EAF1: variants seen among roughly 807,000 people sequenced by gnomAD.
EAF1 encodes ELL associated factor 1, also known as ELL-associated factor 1.
A neutral mutation model predicts 26.6 loss-of-function variants in EAF1; 19 were observed. The observed-to-expected ratio is 0.71, with a 90% CI of 0.50 to 1.05. EAF1 has a LOEUF of 1.05. Among genes scored for constraint, EAF1 ranks in the 50% least tolerant of loss-of-function variants. The pLI is 0.00. For synonymous variants in EAF1, 102 were observed against 120.6 expected, an observed-to-expected ratio of 0.85 and a Z score of 1.01; for missense variants, 260 against 335.5, an observed-to-expected ratio of 0.78 and a Z score of 1.76.
intron 5 of EAF1, 71 bp downstream of exon 5, chr3:15,436,646 C>A: frequency 7.6e-7 from 1 of 1,308,520 alleles, no homozygotes; most frequent in Non-Finnish European, 1.0e-6. Context: ...TGTGCCAGAA[C>A]TTACAAACCT....
At chr3:15,430,829 T>C (rs1377317960) in intron 2 of EAF1, among the ~76,000 whole-genome samples, 1 of 152,168 alleles carries the variant, frequency 6.6e-6, no homozygotes, top group Non-Finnish European at 1.5e-5. Flanking sequence ...ATGATGCTCT[T>C]AGTGAACATG....
chr3:15,434,747 C>T (rs1279794044), intron 4 of EAF1, among the ~76,000 whole-genome samples: 4 of 152,186 alleles, frequency 2.6e-5, no homozygotes, highest in Non-Finnish European at 5.9e-5. Flanking sequence ...GGAATAGTGA[C>T]TTGAGTTTGT....
intron 2 of EAF1, among the ~76,000 whole-genome samples, chr3:15,431,362 A>T (rs573003272): frequency 6.6e-6 from 1 of 152,230 alleles, no homozygotes; most frequent in Admixed American, 6.5e-5. Context: ...AGGTTGGGTC[A>T]TTTAAAGAGA....
At chr3:15,436,727 C>A (rs1559506101) in intron 5 of EAF1, 152 bp downstream of exon 5, 2 of 564,470 alleles carry the variant, frequency 3.5e-6, no homozygotes, top group African/African-American at 3.7e-5. Context: ...AGTTACTAAA[C>A]AGTAAAAAAG....
chr3:15,427,651 C>A lies in EAF1; in HGVS notation c.-129C>A. 1.0e-6 allele frequency: 1 copy of A among 966,948 alleles called. No homozygotes were observed. The allele number at this position is 966,948 out of a possible 1,614,324, so 59.9% of individuals were successfully genotyped here. A position where few individuals can be genotyped will look rare whatever the true frequency, so the allele number is the denominator to read the frequency against. On this transcript the variant is annotated 5_prime_UTR_variant, in exon 1 of 6. Transcript: ENST00000396842. ...CTTGCTTCTGGACCCGGGTGGGTGC[C>A]GGCTCGGCTCTCCTTGTCTTCCAGA...
rs959754278 is a variant in EAF1 at position 15,432,153 on chromosome 3, A to C, written c.265A>C (p.Ile89Leu). ...GCCTTACCAGAAAGACTGTGTGCTT[A>C]TTATTAATCATGACACTGGTGAATA... ...KRPYQKDCVLIINHDTGEYVL... is the reference protein window; with the variant it reads ...KRPYQKDCVLLINHDTGEYVL... The change falls in exon 3 of 6, where the codon ATT becomes CTT. Residue 89 changes from isoleucine to leucine, a missense_variant. Coordinates refer to ENST00000396842, the MANE Select transcript of EAF1 (RefSeq NM_033083.7). 1 of 1,614,200 alleles carries C rather than the reference A, an allele frequency of 6.2e-7. No individual in the cohort carries two copies. The highest frequency in any genetic ancestry group is 1.3e-5 in the African/African-American group (1 of 75,062).
Position 15,434,479 on chromosome 3 carries a change from A to AAAC in EAF1, c.468_470dup (p.Thr157dup). On this transcript the variant is annotated inframe_insertion, in exon 4 of 6. Transcript: ENST00000396842. ...CCAACGAAGCCTCCAGTTGGACCCA[A>AAAC]AACTTCTCCCTTGAAAGATAACCCC... is the stretch of plus-strand genomic sequence containing the variant. 1 of 1,614,202 alleles carries AAAC rather than the reference A, an allele frequency of 6.2e-7. No individual in the cohort carries two copies. The highest frequency in any genetic ancestry group is 8.5e-7 in the Non-Finnish European group (1 of 1,180,036).
rs539205729 is a variant in EAF1 at position 15,429,187 on chromosome 3, C to G, written c.104-726C>G. On this transcript the variant is annotated intron_variant, in intron 1 of 5. Coordinates refer to ENST00000396842, the MANE Select transcript of EAF1 (RefSeq NM_033083.7). ...CAGTTCAGTTGTCTGCTATGAACAT[C>G]TACGAAGTGTCTTTGTTAAAGCTGT... Among the ~76,000 whole-genome samples, 29 of 152,280 alleles carry G rather than the reference C, an allele frequency of 1.9e-4. No homozygotes were observed. The South Asian group carries it at 5.8e-3, about 30-fold the overall frequency.
rs2061867075 is a variant in EAF1 at position 15,441,151 on chromosome 3, T to C, written c.*1996T>C. The C allele has an allele frequency of 6.5e-6, 1 of 153,482 alleles. No individual in the cohort carries two copies. Among genetic ancestry groups the C allele is most frequent in the Non-Finnish European group, 1.5e-5 (1 of 68,052 alleles). 9.5% of individuals were successfully genotyped at this position (153,482 alleles called of 1,614,324 possible). On this transcript the variant is annotated 3_prime_UTR_variant, in exon 6 of 6. Transcript: ENST00000396842. ...CCTGAGCTTCAGACCGTTTGTCCTG[T>C]CATCTGTCCTGCCCAACACTGTATG...
chr3:15,434,378 A>T lies in EAF1; in HGVS notation c.366A>T (p.Arg122=), dbSNP rs775036854. The T allele has an allele frequency of 1.2e-6, 2 of 1,614,202 alleles. No individual in the cohort carries two copies. ...RAEGSSKIQA[R]MEQQPTRPPQ... ...AGGGCAGCAGTAAAATCCAGGCCCG[A>T]ATGGAACAGCAGCCCACTCGTCCTC... Residue 122 remains arginine, a synonymous_variant, in exon 4 of 6, where the codon CGA becomes CGT. Coordinates refer to ENST00000396842, the MANE Select transcript of EAF1 (RefSeq NM_033083.7).
At chr3:15,430,100 G>T in intron 2 of EAF1, 93 bp downstream of exon 2, 5 of 1,008,490 alleles carry the variant, frequency 5.0e-6, no homozygotes, top group South Asian at 1.7e-5. Context: ...TTTTAAAAAT[G>T]TTTAGATTTC....
chr3:15,429,045 A>G (rs1033426587), intron 1 of EAF1, among the ~76,000 whole-genome samples: 3 of 152,226 alleles, frequency 2.0e-5, no homozygotes, highest in African/African-American at 7.2e-5. Context: ...TAAATCATAT[A>G]GTTCATGTGT....
At chr3:15,435,090 G>GA (rs1375494099) in intron 4 of EAF1, among the ~76,000 whole-genome samples, 27 of 151,782 alleles carry the variant, frequency 1.8e-4, no homozygotes, top group Admixed American at 1.8e-3. Context: ...TTTTTGGGGG[G>GA]AAAAAAAGGA....
chr3:15,432,207 C>T lies in EAF1; in HGVS notation c.319C>T (p.Gln107Ter). ...YVLEKLSSSI[Q>*]VKKTRAEGSS... Reference sequence around the variant, plus strand: ...GCTGGAAAAACTCAGTAGCAGCATTCAGGTGAAGAAAACAAGGTATGTGAA... The same window carrying T: ...GCTGGAAAAACTCAGTAGCAGCATTTAGGTGAAGAAAACAAGGTATGTGAA... Residue 107 changes from glutamine to a stop codon, truncating the protein, a stop_gained, in exon 3 of 6, where the codon CAG (glutamine) becomes TAG (stop). Coordinates refer to ENST00000396842, the MANE Select transcript of EAF1 (RefSeq NM_033083.7). LOFTEE classifies it high-confidence loss of function. 1 of 1,614,048 alleles carries T rather than the reference C, an allele frequency of 6.2e-7. No individual in the cohort carries two copies. Among genetic ancestry groups the T allele is most frequent in the Non-Finnish European group, 8.5e-7 (1 of 1,179,976 alleles).
intron 5 of EAF1, chr3:15,436,789 T>C (rs771120368): frequency 2.1e-5 from 9 of 436,352 alleles, no homozygotes; most frequent in Non-Finnish European, 3.3e-5. Flanking sequence ...CACTGGCTCA[T>C]ACCGGTGTTT....
In EAF1 at chr3:15,441,772, G is replaced by A. The variant is rs2061871947; in HGVS notation, c.*2617G>A. Reference sequence around the variant, plus strand: ...ATTCAAATGGTTGTAGCCTGGTGGGGTAGAAGGCAGAGAAGACTACCCAGC... The same window carrying A: ...ATTCAAATGGTTGTAGCCTGGTGGGATAGAAGGCAGAGAAGACTACCCAGC... On this transcript the variant is annotated 3_prime_UTR_variant, in exon 6 of 6. Transcript: ENST00000396842. The A allele has an allele frequency of 6.6e-6, 1 of 152,652 alleles. No individual in the cohort carries two copies. Among genetic ancestry groups the A allele is most frequent in the South Asian group, 2.1e-4 (1 of 4,824 alleles). 9.5% of individuals were successfully genotyped at this position (152,652 alleles called of 1,614,324 possible).
At chr3:15,438,155 A>G (rs2061846036) in intron 5 of EAF1, among the ~76,000 whole-genome samples, 1 of 152,214 alleles carries the variant, frequency 6.6e-6, no homozygotes, top group Non-Finnish European at 1.5e-5. Context: ...GAGATTAGCA[A>G]TTTGGAAATA....
intron 4 of EAF1, 90 bp downstream of exon 4, chr3:15,434,628 G>A: frequency 6.9e-7 from 1 of 1,450,014 alleles, no homozygotes; most frequent in Non-Finnish European, 9.5e-7. Flanking sequence ...TATTGATACA[G>A]TGGCTGGGGC....
intron 3 of EAF1, among the ~76,000 whole-genome samples, chr3:15,432,567 T>C (rs1022719608): frequency 2.6e-5 from 4 of 152,196 alleles, no homozygotes; most frequent in Non-Finnish European, 5.9e-5. Context: ...GAGCAATATA[T>C]ACTATACTTA....
Sources: allele counts gnomAD v4.1 joint callset (sites outside exome capture counted in the v4.1 genomes callset), GRCh38; gene constraint gnomAD v4.1.1; transcripts MANE v1.5; gene names NCBI Gene and HGNC (gene_info 2026-07-23, HGNC 2026-07-21).